The following GART variants were observed in gnomAD, a reference collection of about 807,000 sequenced individuals.
GART encodes the protein trifunctional purine biosynthetic protein adenosine-3.
In GART, 43 loss-of-function variants were observed where a neutral mutation model predicts 107.2. The observed-to-expected ratio is 0.40, with a 90% CI of 0.31 to 0.52. The LOEUF (loss-of-function observed/expected upper bound fraction) is 0.52. Ranked by LOEUF, GART falls within the 20% of genes least tolerant of loss-of-function variation. GART has a pLI of 0.52. For missense variants in GART, 1,107 were observed against 1,206.5 expected, an observed-to-expected ratio of 0.92 and a Z score of 1.22; for synonymous variants, 434 against 427.0, an observed-to-expected ratio of 1.02 and a Z score of -0.20.
chr21:33,532,459 G>A lies in GART; in HGVS notation c.417-3C>T, dbSNP rs753002148. 3.1e-6 allele frequency: 5 copies of A among 1,604,112 alleles called. No individual in the cohort carries two copies. The highest frequency in any genetic ancestry group is 2.2e-5 in the East Asian group (1 of 44,838). The stretch of plus-strand genomic sequence containing the variant: ...CAACCAAAGCAGGGAAGTCTGCACT[G>A]TAAAGACAGAGTAATCGTCAACATC... On this transcript the variant is annotated splice_polypyrimidine_tract_variant and splice_region_variant and intron_variant, in intron 4 of 21. Transcript: ENST00000381815.
rs1392717658 is a variant in GART at position 33,542,112 on chromosome 21, C to G, written c.-89G>C. ...TCCCGCTTGCCCGCTCGCCGGAAGT[C>G]GGCCCACCGGGACCGGCGCGGGACC... On this transcript the variant is annotated 5_prime_UTR_variant, in exon 1 of 22. Coordinates refer to ENST00000381815, the MANE Select transcript of GART (RefSeq NM_000819.5). The G allele has an allele frequency of 6.6e-6, 1 of 152,248 alleles. No individual in the cohort carries two copies. 9.4% of individuals were successfully genotyped at this position (152,248 alleles called of 1,614,324 possible). A position where few individuals can be genotyped will look rare whatever the true frequency, so the allele number is the denominator to read the frequency against.
chr21:33,539,429 A>T, intron 1 of GART, 73 bp from the exon 2 acceptor site: 1 of 1,139,698 alleles, frequency 8.8e-7, no homozygotes, highest in South Asian at 1.6e-5. Context: ...ACAGTGGCTC[A>T]TGCCTGTACC....
intron 11 of GART, 79 bp downstream of exon 11, chr21:33,524,690 A>G: frequency 1.3e-6 from 2 of 1,588,266 alleles, no homozygotes; most frequent in Non-Finnish European, 1.7e-6. Context: ...AATGACTTAT[A>G]GGGTTAATGA....
At position 33,534,612 on chromosome 21, in the gene GART, G is replaced by A. The variant is rs751996321; in HGVS notation, c.383C>T (p.Thr128Ile). Residue 128 changes from threonine (T) to isoleucine (I), a missense_variant, in exon 4 of 22, where the codon ACC becomes ATC. Thr to Ile is a moderately conservative substitution (Grantham distance 89, BLOSUM62 -1). Coordinates refer to ENST00000381815, the MANE Select transcript of GART (RefSeq NM_000819.5). ...GAAGCTGCAGGCTTCTTCAGGTTTG[G>A]TGAAAGCCTTCCATTGTGCGGTTGG... ...GIPTAQWKAF[T>I]KPEEACSFIL... 6.2e-7 allele frequency: 1 copy of A among 1,614,172 alleles called. No individual in the cohort carries two copies. The highest frequency in any genetic ancestry group is 1.1e-5 in the South Asian group (1 of 91,086).
At chr21:33,531,019 G>A (rs1285373193) in intron 6 of GART, 135 bp from the exon 7 acceptor site, 5 of 676,214 alleles carry the variant, frequency 7.4e-6, no homozygotes, top group South Asian at 4.2e-5. Flanking sequence ...GAAATGAACC[G>A]AAACGTCAAT....
At chr21:33,523,945 C>A (rs542137676) in intron 11 of GART, 3 of 908,806 alleles carry the variant, frequency 3.3e-6, no homozygotes, top group African/African-American at 4.4e-5. Context: ...CCAGCCTGGG[C>A]GACAAGAGCA....
chr21:33,528,335 C>T lies in GART; in HGVS notation c.898G>A (p.Val300Ile), dbSNP rs1484180926. 6.2e-7 allele frequency: 1 copy of T among 1,613,220 alleles called. No individual in the cohort carries two copies. Among genetic ancestry groups the T allele is most frequent in the Non-Finnish European group, 8.5e-7 (1 of 1,179,486 alleles). The change falls in exon 10 of 22, where the codon GTA becomes ATA. Residue 300 changes from valine to isoleucine, a missense_variant and splice_region_variant. Coordinates refer to ENST00000381815, the MANE Select transcript of GART (RefSeq NM_000819.5). The part of the protein sequence containing the change: ...NCRFGDPECQ[V>I]ILPLLKSDLY... ...TCACTTTTAAGAAGTGGGAGGATTA[C>T]CTGGAAAAACATAATCCACATGGCA... is the stretch of plus-strand genomic sequence containing the variant.
intron 16 of GART, among the ~76,000 whole-genome samples, chr21:33,513,906 G>A (rs1049065351): frequency 1.3e-5 from 2 of 152,206 alleles, no homozygotes; most frequent in Non-Finnish European, 2.9e-5. Flanking sequence ...AACACTGGCA[G>A]ACTAAGAGTC....
At chr21:33,540,957 G>A (rs542176846) in intron 1 of GART, among the ~76,000 whole-genome samples, 19 of 152,088 alleles carry the variant, frequency 1.2e-4, no homozygotes, top group African/African-American at 3.6e-4. Flanking sequence ...GTAAGAGGGG[G>A]TGGAGCCTAA....
chr21:33,523,023 A>G (rs1403006157), intron 11 of GART, among the ~76,000 whole-genome samples: 1 of 152,238 alleles, frequency 6.6e-6, no homozygotes, highest in African/African-American at 2.4e-5. Flanking sequence ...AGTAAACACT[A>G]TGACAAAAGC....
Position 33,539,175 on chromosome 21 carries a change from A to T in GART, c.141T>A (p.Asn47Lys). 1 of 1,611,622 alleles carries T rather than the reference A, an allele frequency of 6.2e-7. No homozygotes were observed. Among genetic ancestry groups the T allele is most frequent in the African/African-American group, 1.3e-5 (1 of 74,830 alleles). ...AGTACSEKIS[N>K]TAISISDHTA... Reference sequence around the variant, plus strand: ...CCCACTTTAAAACATGATTACCGGTATTTGAAATCTTTTCAGAGCAGGCAG... The same window carrying T: ...CCCACTTTAAAACATGATTACCGGTTTTTGAAATCTTTTCAGAGCAGGCAG... Residue 47 changes from asparagine to lysine, a missense_variant, in exon 2 of 22, where the codon AAT becomes AAA. Physicochemically the swap from Asn to Lys is moderately conservative, Grantham distance 94. Transcript: ENST00000381815.
At chr21:33,516,246 T>TAAAAAAA in intron 16 of GART, among the ~76,000 whole-genome samples, 1 of 95,196 alleles carries the variant, frequency 1.1e-5, no homozygotes, top group Non-Finnish European at 2.0e-5. Flanking sequence ...AGACTCTGTC[T>TAAAAAAA]AAAAAAAAAA....
At chr21:33,514,655 G>A (rs576672200) in intron 16 of GART, among the ~76,000 whole-genome samples, 2 of 152,240 alleles carry the variant, frequency 1.3e-5, no homozygotes, top group East Asian at 3.9e-4. Context: ...GATGATGAAT[G>A]AACTACTTAT....
At chr21:33,534,012 GATTTT>G (rs2085251167) in intron 4 of GART, among the ~76,000 whole-genome samples, 1 of 152,122 alleles carries the variant, frequency 6.6e-6, no homozygotes, top group Admixed American at 6.6e-5. Context: ...GAACTACTCA[GATTTT>G]ATTAAAAATG....
rs1244460697 is a variant in GART at position 33,509,891 on chromosome 21, T to C, written c.2344A>G (p.Ile782Val). ...GSPRVKVKNL[I>V]ESMQINGSVL... ...GACCCATTTATTTGCATGCTTTCAA[T>C]CAGATTCTTGACTTTCACACGTGGG... Residue 782 changes from isoleucine to valine, a missense_variant, in exon 18 of 22, where the codon ATT (isoleucine) becomes GTT (valine). Physicochemically the swap from Ile to Val is conservative, Grantham distance 29. Coordinates refer to ENST00000381815, the MANE Select transcript of GART (RefSeq NM_000819.5). 1.2e-6 allele frequency: 2 copies of C among 1,613,544 alleles called. No individual in the cohort carries two copies. The highest frequency in any genetic ancestry group is 4.5e-5 in the East Asian group (2 of 44,882).
Position 33,525,091 on chromosome 21 carries a change from T to A in GART, c.1067-91A>T. ...TACGATTTCCACAAGTTTCTTTTTTTTTTTTTTTAACTTGGCTAGGTGCGG... is the reference window on the plus strand; with the variant it reads ...TACGATTTCCACAAGTTTCTTTTTTATTTTTTTTAACTTGGCTAGGTGCGG... On this transcript the variant is annotated intron_variant, in intron 10 of 21. Coordinates refer to ENST00000381815, the MANE Select transcript of GART (RefSeq NM_000819.5). The A allele has an allele frequency of 2.1e-6, 3 of 1,463,116 alleles. No individual in the cohort carries two copies. The South Asian group carries it at 4.3e-5, about 21-fold the overall frequency. 90.6% of individuals were successfully genotyped at this position (1,463,116 alleles called of 1,614,324 possible). A position where few individuals can be genotyped will look rare whatever the true frequency, so the allele number is the denominator to read the frequency against.
chr21:33,541,449 C>G (rs546697334), intron 1 of GART, among the ~76,000 whole-genome samples: 1 of 152,186 alleles, frequency 6.6e-6, no homozygotes, highest in African/African-American at 2.4e-5. Flanking sequence ...ATAAACAGAT[C>G]TTTAAATCTA....
At chr21:33,510,416 G>A (rs1438908393) in intron 17 of GART, 9 of 153,164 alleles carry the variant, frequency 5.9e-5, no homozygotes, top group East Asian at 1.9e-4. Flanking sequence ...TGCAAGTTCC[G>A]CCTCCTAGGT....
intron 11 of GART, among the ~76,000 whole-genome samples, chr21:33,523,566 C>T (rs996172175): frequency 1.3e-5 from 2 of 152,046 alleles, no homozygotes; most frequent in Admixed American, 6.6e-5. Context: ...AAAAACCTGC[C>T]TCTTGGTAAC....
Sources: allele counts gnomAD v4.1 joint callset (sites outside exome capture counted in the v4.1 genomes callset), GRCh38; gene constraint gnomAD v4.1.1; transcripts MANE v1.5; gene names NCBI Gene and HGNC (gene_info 2026-07-23, HGNC 2026-07-21).